The following TCF7L2 variants were observed in gnomAD, a reference collection of about 807,000 sequenced individuals.
The protein encoded by TCF7L2 is transcription factor 7 like 2, also known as transcription factor 7-like 2.
Under a neutral mutation model 77.9 loss-of-function variants are expected in TCF7L2, and 23 were observed. The observed-to-expected ratio is 0.30, with a 90% CI of 0.21 to 0.42. TCF7L2 has a LOEUF of 0.42. Among genes scored for constraint, TCF7L2 ranks in the 10% least tolerant of loss-of-function variants. The pLI is 1.00. For missense variants in TCF7L2, 654 were observed against 793.1 expected, an observed-to-expected ratio of 0.82 and a Z score of 2.11; for synonymous variants, 413 against 340.2, an observed-to-expected ratio of 1.21 and a Z score of -2.36.
chr10:112,973,780 G>A (rs1033137598), intron 4 of TCF7L2, among the ~76,000 whole-genome samples: 13 of 151,962 alleles, frequency 8.6e-5, no homozygotes, highest in African/African-American at 2.9e-4. Flanking sequence ...TGGTAGATAC[G>A]GCGTTTCACC....
At chr10:113,117,082 G>A (rs2063813800) in intron 5 of TCF7L2, among the ~76,000 whole-genome samples, 1 of 152,186 alleles carries the variant, frequency 6.6e-6, no homozygotes, top group African/African-American at 2.4e-5. Flanking sequence ...ATAAGTTTCA[G>A]ATTTTAGGTT....
At chr10:112,978,633 A>ATTT (rs988727404) in intron 4 of TCF7L2, among the ~76,000 whole-genome samples, 51 of 126,852 alleles carry the variant, frequency 4.0e-4, no homozygotes, top group Non-Finnish European at 6.8e-4. Context: ...CGCCTGGCTA[A>ATTT]TTTTTTTTTT....
intron 4 of TCF7L2, among the ~76,000 whole-genome samples, chr10:112,985,309 A>C (rs756928116): frequency 2.0e-4 from 30 of 152,216 alleles, no homozygotes; most frequent in Non-Finnish European, 2.9e-4. Flanking sequence ...TAAGAGATGA[A>C]CCCTATTCTC....
At chr10:113,008,174 C>G (rs542205777) in intron 4 of TCF7L2, among the ~76,000 whole-genome samples, 1 of 152,216 alleles carries the variant, frequency 6.6e-6, no homozygotes, top group Admixed American at 6.5e-5. Flanking sequence ...TTCAGATTTT[C>G]ATCCAAAGCT....
chr10:113,149,498 C>A (rs937829844), intron 8 of TCF7L2, among the ~76,000 whole-genome samples: 1 of 152,224 alleles, frequency 6.6e-6, no homozygotes. Context: ...CATTAACTTT[C>A]CTTCCTCTGT....
intron 5 of TCF7L2, among the ~76,000 whole-genome samples, chr10:113,049,739 G>A (rs1215472086): frequency 6.6e-6 from 1 of 152,154 alleles, no homozygotes; most frequent in Non-Finnish European, 1.5e-5. Context: ...TCCCAAAGCA[G>A]CGATGAACAG....
Position 113,101,195 on chromosome 10 carries a change from C to G in TCF7L2, c.553-39989C>G, listed in dbSNP as rs546741595. On this transcript the variant is annotated intron_variant, in intron 5 of 13. Transcript: ENST00000627217. ...AAAAAGGAGCATTTTGTTATTCCCT[C>G]TTTCAGATTTAATGATAAAGTCATA... Among the ~76,000 whole-genome samples the G allele has an allele frequency of 4.3e-3, 660 of 152,316 alleles. 4 individuals carry two copies. The highest frequency in any genetic ancestry group is 0.015 in the African/African-American group (643 of 41,568).
At chr10:113,090,074 A>T (rs1315032683) in intron 5 of TCF7L2, among the ~76,000 whole-genome samples, 1 of 152,232 alleles carries the variant, frequency 6.6e-6, no homozygotes, top group Admixed American at 6.5e-5. Flanking sequence ...CTCTCCAAGG[A>T]CAGGAAGCAT....
chr10:113,103,637 G>C (rs2061923300), intron 5 of TCF7L2, among the ~76,000 whole-genome samples: 1 of 152,202 alleles, frequency 6.6e-6, no homozygotes, highest in Non-Finnish European at 1.5e-5. Flanking sequence ...GTGGTTGCCA[G>C]TGATAGGAGG....
chr10:113,103,060 A>C (rs1591719097), intron 5 of TCF7L2, among the ~76,000 whole-genome samples: 1 of 152,216 alleles, frequency 6.6e-6, no homozygotes, highest in East Asian at 1.9e-4. Context: ...TTCTCATTTT[A>C]TAGAGAGGAA....
At chr10:113,135,975 G>A (rs956802464) in intron 5 of TCF7L2, among the ~76,000 whole-genome samples, 4 of 152,102 alleles carry the variant, frequency 2.6e-5, no homozygotes, top group African/African-American at 9.7e-5. Context: ...CTCCCTAGAT[G>A]AACACAGCAA....
chr10:113,063,193 G>A (rs1463415832), intron 5 of TCF7L2, among the ~76,000 whole-genome samples: 1 of 152,046 alleles, frequency 6.6e-6, no homozygotes, highest in African/African-American at 2.4e-5. Context: ...CATGACACCC[G>A]CCCCACCCGA....
chr10:113,160,349 TTC>T (rs1361861286), intron 12 of TCF7L2, among the ~76,000 whole-genome samples: 1 of 151,988 alleles, frequency 6.6e-6, no homozygotes, highest in Non-Finnish European at 1.5e-5. Context: ...TCCCCTCCTC[TTC>T]TCTCTCTCTT....
rs1174716066 is a variant in TCF7L2 at position 112,951,607 on chromosome 10, C to T, written c.381C>T (p.Thr127=). The change falls in exon 3 of 14, where the codon ACC becomes ACT. Residue 127 remains threonine (T), a splice_region_variant and synonymous_variant. Transcript: ENST00000627217. ...GATCGCTCTCGCCCACCGCCCGAAC[C>T]GTAAGTGCCTCCGCGCCCGGCCCCC... is the stretch of plus-strand genomic sequence containing the variant. 2.3e-6 allele frequency: 3 copies of T among 1,279,746 alleles called. No homozygotes were observed. Among genetic ancestry groups the T allele is most frequent in the Non-Finnish European group, 3.0e-6 (3 of 984,328 alleles). The allele number at this position is 1,279,746 out of a possible 1,614,324, so 79.3% of individuals were successfully genotyped here.
chr10:113,036,119 CATCATCATCATCAT>C (rs1564810771), intron 4 of TCF7L2, among the ~76,000 whole-genome samples: 561 of 4,354 alleles, frequency 0.13, 2 homozygotes, highest in African/African-American at 0.35. Context: ...TCATCACCAT[CATCATCATCATCAT>C]CATCATCATC....
chr10:113,006,970 A>T (rs966676616), intron 4 of TCF7L2, among the ~76,000 whole-genome samples: 1 of 152,080 alleles, frequency 6.6e-6, no homozygotes, highest in Non-Finnish European at 1.5e-5. Context: ...TCCGTCCTTT[A>T]TGTGGCACAC....
chr10:113,002,190 C>T (rs982072221), intron 4 of TCF7L2, among the ~76,000 whole-genome samples: 1 of 152,140 alleles, frequency 6.6e-6, no homozygotes, highest in Non-Finnish European at 1.5e-5. Flanking sequence ...AGTGGCAAAC[C>T]CTGATCCAGA....
At chr10:113,160,349 TTCTC>T (rs1361861286) in intron 12 of TCF7L2, among the ~76,000 whole-genome samples, 2 of 151,988 alleles carry the variant, frequency 1.3e-5, no homozygotes, top group Non-Finnish European at 2.9e-5. Context: ...TCCCCTCCTC[TTCTC>T]TCTCTCTTTT....
At chr10:113,111,328 A>G (rs1375702736) in intron 5 of TCF7L2, among the ~76,000 whole-genome samples, 1 of 152,170 alleles carries the variant, frequency 6.6e-6, no homozygotes, top group Non-Finnish European at 1.5e-5. Flanking sequence ...TGATATATCT[A>G]TCTATCCCTA....
Sources: allele counts gnomAD v4.1 joint callset (sites outside exome capture counted in the v4.1 genomes callset), GRCh38; gene constraint gnomAD v4.1.1; transcripts MANE v1.5; gene names NCBI Gene and HGNC (gene_info 2026-07-23, HGNC 2026-07-21).